Variants in WBP1L observed in about 807,000 individuals in gnomAD.
WBP1L encodes WW domain binding protein 1 like.
WBP1L carries 17 observed loss-of-function variants against 33.7 expected under a neutral mutation model. That is an observed-to-expected ratio of 0.50 (90% CI 0.34 to 0.76). The LOEUF (loss-of-function observed/expected upper bound fraction) is 0.76, where lower values mean the gene tolerates loss of function less well. Among genes scored for constraint, WBP1L ranks in the 30% least tolerant of loss-of-function variants. WBP1L has a pLI of 0.01. For missense variants in WBP1L, 389 were observed against 469.4 expected (o/e 0.83, Z 1.58); for synonymous variants, 173 against 190.8 (o/e 0.91, Z 0.77).
At chr10:102,768,333 T>C (rs1027924387) in intron 1 of WBP1L, among the ~76,000 whole-genome samples, 2 of 151,154 alleles carry the variant, frequency 1.3e-5, no homozygotes, top group African/African-American at 4.9e-5. Context: ...CTTGGCTTCC[T>C]AAAGTGCTTG....
intron 1 of WBP1L, among the ~76,000 whole-genome samples, chr10:102,780,524 G>A (rs1447619880): frequency 3.3e-5 from 5 of 152,124 alleles, no homozygotes; most frequent in Non-Finnish European, 7.4e-5. Context: ...AATGTCGAAG[G>A]TTTCTTAGGA....
At chr10:102,750,074 G>A (rs1298186923) in intron 1 of WBP1L, among the ~76,000 whole-genome samples, 3 of 151,488 alleles carry the variant, frequency 2.0e-5, no homozygotes, top group South Asian at 4.2e-4. Flanking sequence ...TAGCGACCAC[G>A]CCTGGCTGCC....
chr10:102,793,274 C>G (rs1182828265), intron 1 of WBP1L, among the ~76,000 whole-genome samples: 1 of 152,032 alleles, frequency 6.6e-6, no homozygotes, highest in Non-Finnish European at 1.5e-5. Context: ...GACCCTGCCT[C>G]TACCAAAAAA....
intron 1 of WBP1L, among the ~76,000 whole-genome samples, chr10:102,747,158 TC>T (rs1274126640): frequency 6.6e-6 from 1 of 152,032 alleles, no homozygotes; most frequent in Non-Finnish European, 1.5e-5. Flanking sequence ...GGTCAGGAGA[TC>T]AAGACCATTC....
chr10:102,787,639 T>C (rs894321167), intron 1 of WBP1L, among the ~76,000 whole-genome samples: 8 of 151,934 alleles, frequency 5.3e-5, no homozygotes, highest in African/African-American at 1.9e-4. Context: ...TGGGAAGCAA[T>C]AGGCCAGGAC....
chr10:102,784,780 C>G (rs1843389997), intron 1 of WBP1L, among the ~76,000 whole-genome samples: 1 of 151,828 alleles, frequency 6.6e-6, no homozygotes, highest in South Asian at 2.1e-4. Flanking sequence ...AGGCTGGTCT[C>G]AAACTCCTGG....
intron 1 of WBP1L, chr10:102,776,405 G>T (rs1233761847): frequency 6.2e-7 from 1 of 1,614,136 alleles, no homozygotes; most frequent in Non-Finnish European, 8.5e-7. Context: ...CTTTCCTTTT[G>T]GGTCTTAGAC....
chr10:102,751,719 A>T (rs1299480544), intron 1 of WBP1L, among the ~76,000 whole-genome samples: 1 of 152,178 alleles, frequency 6.6e-6, no homozygotes, highest in African/African-American at 2.4e-5. Flanking sequence ...TGGTACAGTC[A>T]AACCTAGTGG....
intron 1 of WBP1L, among the ~76,000 whole-genome samples, chr10:102,793,163 A>G (rs570473544): frequency 3.3e-5 from 5 of 152,326 alleles, no homozygotes; most frequent in African/African-American, 1.2e-4. Flanking sequence ...AGCATAAGCT[A>G]GGTGTGGTGG....
chr10:102,775,098 A>G (rs903365064), intron 1 of WBP1L, among the ~76,000 whole-genome samples: 3 of 143,454 alleles, frequency 2.1e-5, no homozygotes, highest in African/African-American at 7.8e-5. Context: ...AGCCTGGGTA[A>G]CAGAGTGAGA....
chr10:102,760,376 C>CTTT (rs71019612), intron 1 of WBP1L, among the ~76,000 whole-genome samples: 24 of 96,202 alleles, frequency 2.5e-4, no homozygotes, highest in South Asian at 7.2e-4. Context: ...TTCTTTCTTT[C>CTTT]TTTTTTTTTT....
chr10:102,788,805 G>T (rs941252318), intron 1 of WBP1L, among the ~76,000 whole-genome samples: 8 of 151,982 alleles, frequency 5.3e-5, no homozygotes, highest in South Asian at 2.1e-4. Flanking sequence ...TGGCTGGGGG[G>T]GATAAATAAA....
intron 1 of WBP1L, among the ~76,000 whole-genome samples, chr10:102,788,390 A>G (rs1456505420): frequency 5.3e-5 from 8 of 152,102 alleles, no homozygotes; most frequent in African/African-American, 1.7e-4. Flanking sequence ...GATTACAGGC[A>G]TGAGCCACCA....
chr10:102,793,188 C>T (rs1162872599), intron 1 of WBP1L, among the ~76,000 whole-genome samples: 1 of 152,154 alleles, frequency 6.6e-6, no homozygotes, highest in Non-Finnish European at 1.5e-5. Context: ...TGCCTGTAAC[C>T]CCAGCACTTT....
intron 1 of WBP1L, among the ~76,000 whole-genome samples, chr10:102,754,265 T>G (rs930811279): frequency 6.6e-6 from 1 of 152,242 alleles, no homozygotes; most frequent in Non-Finnish European, 1.5e-5. Flanking sequence ...GTCTTTAAGT[T>G]TTGCAAATCC....
At chr10:102,769,646 T>C (rs1564758385) in intron 1 of WBP1L, among the ~76,000 whole-genome samples, 1 of 152,198 alleles carries the variant, frequency 6.6e-6, no homozygotes, top group Non-Finnish European at 1.5e-5. Flanking sequence ...TCTGCATATG[T>C]GTCCAAGCCA....
intron 2 of WBP1L, among the ~76,000 whole-genome samples, chr10:102,798,632 C>G (rs1843606761): frequency 6.6e-6 from 1 of 152,140 alleles, no homozygotes; most frequent in Non-Finnish European, 1.5e-5. Context: ...ACCGTATTGG[C>G]CAAGATGGTC....
intron 1 of WBP1L, among the ~76,000 whole-genome samples, chr10:102,763,790 A>G (rs976948529): frequency 2.6e-5 from 4 of 152,102 alleles, no homozygotes; most frequent in Admixed American, 6.6e-5. Context: ...TTGTTTATCA[A>G]CCTTGAATTC....
At chr10:102,753,941 A>G (rs182400719) in intron 1 of WBP1L, among the ~76,000 whole-genome samples, 1 of 152,344 alleles carries the variant, frequency 6.6e-6, no homozygotes, top group African/African-American at 2.4e-5. Context: ...GCATGCATTC[A>G]TGGAGAAAAT....
Sources: allele counts gnomAD v4.1 joint callset (sites outside exome capture counted in the v4.1 genomes callset), GRCh38; gene constraint gnomAD v4.1.1; transcripts MANE v1.5; gene names NCBI Gene and HGNC (gene_info 2026-07-23, HGNC 2026-07-21).